Variants in CDH13 observed in about 807,000 individuals in gnomAD.
CDH13 encodes cadherin 13, also known as cadherin-13.
Under a neutral mutation model 63.8 loss-of-function variants are expected in CDH13, and 24 were observed. The ratio of observed to expected loss-of-function variants is 0.38; its 90% CI spans 0.27 to 0.53. The LOEUF (loss-of-function observed/expected upper bound fraction) is 0.53, where lower values mean the gene tolerates loss of function less well. Among genes scored for constraint, CDH13 ranks in the 20% least tolerant of loss-of-function variants. The probability of loss-of-function intolerance (pLI) is 0.85; values close to 1 mark genes in which losing one functional copy is unlikely to be tolerated. For missense variants in CDH13, 1,049 were observed against 903.1 expected, an observed-to-expected ratio of 1.16 and a Z score of -2.07; for synonymous variants, 503 against 355.3, an observed-to-expected ratio of 1.42 and a Z score of -4.67.
At chr16:83,563,722 C>T (rs1287913714) in intron 7 of CDH13, among the ~76,000 whole-genome samples, 2 of 152,072 alleles carry the variant, frequency 1.3e-5, no homozygotes, top group Admixed American at 6.5e-5. Flanking sequence ...TCTTGAAAAA[C>T]AGACTCAGTA....
intron 5 of CDH13, among the ~76,000 whole-genome samples, chr16:83,324,010 A>G (rs950821638): frequency 2.7e-5 from 4 of 150,556 alleles, no homozygotes; most frequent in African/African-American, 7.3e-5. Context: ...CAGTCATGCA[A>G]CCATCATCAC....
At chr16:83,653,190 C>G (rs1004308091) in intron 8 of CDH13, among the ~76,000 whole-genome samples, 1 of 152,036 alleles carries the variant, frequency 6.6e-6, no homozygotes, top group African/African-American at 2.4e-5. Flanking sequence ...GGTGGGGCTT[C>G]TGTTCGAGGT....
chr16:82,901,423 T>G (rs1403917196), intron 2 of CDH13, among the ~76,000 whole-genome samples: 6 of 151,364 alleles, frequency 4.0e-5, no homozygotes, highest in African/African-American at 1.5e-4. Flanking sequence ...AAGCTGACCT[T>G]GTTTTTCATC....
chr16:82,779,836 G>A (rs1021073431), intron 1 of CDH13, among the ~76,000 whole-genome samples: 8 of 148,878 alleles, frequency 5.4e-5, no homozygotes, highest in Non-Finnish European at 1.0e-4. Context: ...TAGAGGGAAA[G>A]GTGGGAGGTC....
intron 1 of CDH13, among the ~76,000 whole-genome samples, chr16:82,740,065 A>G (rs758387124): frequency 2.0e-5 from 3 of 152,222 alleles, no homozygotes; most frequent in Non-Finnish European, 2.9e-5. Flanking sequence ...GTGGACGCCT[A>G]TTACAACCTG....
intron 7 of CDH13, among the ~76,000 whole-genome samples, chr16:83,529,109 T>C (rs2151630130): frequency 7.5e-6 from 1 of 134,164 alleles, no homozygotes; most frequent in South Asian, 2.3e-4. Flanking sequence ...TTTTTTTTTC[T>C]TTTTCATTGT....
chr16:83,060,688 C>T (rs1382821690), intron 3 of CDH13, among the ~76,000 whole-genome samples: 1 of 152,236 alleles, frequency 6.6e-6, no homozygotes, highest in Admixed American at 6.5e-5. Context: ...GCTATCCTCA[C>T]CTCACTGTGC....
intron 1 of CDH13, among the ~76,000 whole-genome samples, chr16:82,794,489 A>G (rs2036483910): frequency 1.3e-5 from 2 of 151,580 alleles, no homozygotes. Flanking sequence ...ATTTCCCTTC[A>G]GAGACCAACG....
intron 6 of CDH13, chr16:83,383,238 AGTGTTCCACCT>A (rs2091603749): frequency 6.6e-6 from 1 of 152,210 alleles, no homozygotes; most frequent in Non-Finnish European, 1.5e-5. Flanking sequence ...CCATGTTATC[AGTGTTCCACCT>A]GCTGGGGCAC....
intron 7 of CDH13, among the ~76,000 whole-genome samples, chr16:83,507,623 C>T (rs1158372066): frequency 6.6e-6 from 1 of 152,186 alleles, no homozygotes; most frequent in African/African-American, 2.4e-5. Flanking sequence ...TAATGCTAGC[C>T]TTCCTGTGGG....
Position 83,472,657 on chromosome 16 carries a change from A to G in CDH13, c.782-13820A>G, listed in dbSNP as rs372806103. 2.4e-4 allele frequency among the ~76,000 whole-genome samples: 36 copies of G among 152,336 alleles called. No individual in the cohort carries two copies. In the East Asian group the frequency reaches 6.0e-3, roughly 25 times the overall value. On this transcript the variant is annotated intron_variant, in intron 6 of 13. Transcript: ENST00000567109. ...CTGCCAGGTTGTTTCTAAGAGAAGA[A>G]CATTGCAATCTGGAAAAGCAGTATT... is the stretch of plus-strand genomic sequence containing the variant.
At chr16:82,767,324 C>G (rs1309765926) in intron 1 of CDH13, among the ~76,000 whole-genome samples, 1 of 152,164 alleles carries the variant, frequency 6.6e-6, no homozygotes, top group African/African-American at 2.4e-5. Flanking sequence ...CAAAAGTAAC[C>G]ATTGCTCTGA....
intron 3 of CDH13, among the ~76,000 whole-genome samples, chr16:83,065,089 G>T (rs2031891403): frequency 6.6e-6 from 1 of 152,026 alleles, no homozygotes; most frequent in African/African-American, 2.4e-5. Context: ...CCATACAAGT[G>T]AGATCATGTG....
intron 1 of CDH13, among the ~76,000 whole-genome samples, chr16:82,843,338 G>T (rs1025391630): frequency 1.3e-5 from 2 of 152,166 alleles, no homozygotes; most frequent in African/African-American, 4.8e-5. Context: ...GTGAGCAGTT[G>T]TTCAAATTCC....
intron 4 of CDH13, among the ~76,000 whole-genome samples, chr16:83,182,393 C>A (rs1439527072): frequency 6.6e-6 from 1 of 152,164 alleles, no homozygotes; most frequent in Non-Finnish European, 1.5e-5. Flanking sequence ...TTCTGTCTGC[C>A]ATGGGTTTGC....
intron 1 of CDH13, among the ~76,000 whole-genome samples, chr16:82,738,797 G>T (rs1424283436): frequency 1.3e-5 from 2 of 152,148 alleles, no homozygotes; most frequent in African/African-American, 4.8e-5. Context: ...AACCTTGGTG[G>T]TTCCTTTTAT....
intron 2 of CDH13, among the ~76,000 whole-genome samples, chr16:82,974,921 C>A (rs931584336): frequency 2.6e-5 from 4 of 152,192 alleles, no homozygotes; most frequent in Non-Finnish European, 5.9e-5. Flanking sequence ...ACAGCGGCCG[C>A]AGGATGCCCA....
At chr16:83,285,919 A>T (rs1390964527) in intron 5 of CDH13, among the ~76,000 whole-genome samples, 1 of 152,218 alleles carries the variant, frequency 6.6e-6, no homozygotes, top group Non-Finnish European at 1.5e-5. Context: ...GGTGTGGACC[A>T]AAGAAACAGA....
At chr16:83,050,994 C>G (rs771601973) in intron 3 of CDH13, among the ~76,000 whole-genome samples, 13 of 152,184 alleles carry the variant, frequency 8.5e-5, no homozygotes, top group Non-Finnish European at 1.6e-4. Flanking sequence ...TTACAGTGGT[C>G]ACAACTGGTT....
Sources: allele counts gnomAD v4.1 joint callset (sites outside exome capture counted in the v4.1 genomes callset), GRCh38; gene constraint gnomAD v4.1.1; transcripts MANE v1.5; gene names NCBI Gene and HGNC (gene_info 2026-07-23, HGNC 2026-07-21).